Variants in SH3KBP1 observed in about 807,000 individuals in gnomAD.
The protein encoded by SH3KBP1 is SH3 domain containing kinase binding protein 1, also known as SH3 domain-containing kinase-binding protein 1.
SH3KBP1 carries 8 observed loss-of-function variants against 50.1 expected under a neutral mutation model. The observed-to-expected ratio is 0.16, with a 90% CI of 0.09 to 0.29. The LOEUF (loss-of-function observed/expected upper bound fraction) is 0.29. Among genes scored for constraint, SH3KBP1 ranks in the 10% least tolerant of loss-of-function variants. The pLI, the probability that SH3KBP1 is intolerant of heterozygous loss-of-function variation, is 1.00. For missense variants in SH3KBP1, 377 were observed against 535.2 expected, an observed-to-expected ratio of 0.70 and a Z score of 2.92; for synonymous variants, 227 against 218.6, an observed-to-expected ratio of 1.04 and a Z score of -0.34.
At chrX:19,670,789 T>A in intron 6 of SH3KBP1, 4 of 1,018,930 alleles carry the variant, frequency 3.9e-6, no homozygotes, top group Admixed American at 6.8e-5. Context: ...CTACAAAATG[T>A]TATATACAGA....
intron 12 of SH3KBP1, among the ~76,000 whole-genome samples, chrX:19,579,073 A>C (rs2147903685): frequency 8.9e-6 from 1 of 112,008 alleles, no homozygotes; most frequent in Admixed American, 9.5e-5. Flanking sequence ...CAGAAACCAG[A>C]GTGGTTTTCC....
At chrX:19,786,364 G>A (rs1020361376) in intron 2 of SH3KBP1, among the ~76,000 whole-genome samples, 5 of 111,766 alleles carry the variant, frequency 4.5e-5, no homozygotes, top group African/African-American at 9.8e-5. Flanking sequence ...GAAGCTAGAC[G>A]ATGGGTAAAA....
At chrX:19,819,620 G>T (rs1182571345) in intron 2 of SH3KBP1, among the ~76,000 whole-genome samples, 1 of 111,605 alleles carries the variant, frequency 9.0e-6, no homozygotes, top group East Asian at 2.8e-4. Flanking sequence ...AAAATGCTGG[G>T]ATTTCAAACA....
At chrX:19,571,197 T>C (rs1019939274) in intron 12 of SH3KBP1, among the ~76,000 whole-genome samples, 11 of 112,043 alleles carry the variant, frequency 9.8e-5, no homozygotes, top group Non-Finnish European at 1.5e-4. Context: ...TGGGAGTGTG[T>C]GCTATGATGC....
intron 2 of SH3KBP1, among the ~76,000 whole-genome samples, chrX:19,758,415 G>C (rs1294363149): frequency 9.6e-6 from 1 of 104,032 alleles, no homozygotes; most frequent in East Asian, 3.1e-4. Context: ...TGCATATAAA[G>C]AGGCAACATT....
chrX:19,740,108 T>C, intron 3 of SH3KBP1, among the ~76,000 whole-genome samples: 1 of 111,563 alleles, frequency 9.0e-6, no homozygotes, highest in East Asian at 2.8e-4. Flanking sequence ...ATGTAGTTCT[T>C]ACCATGCATT....
rs924460245 is a variant in SH3KBP1 at position 19,550,190 on chromosome X, A to G, written c.1385-107T>C. 1.3e-5 allele frequency: 7 copies of G among 530,675 alleles called. No homozygotes were observed. In the South Asian group the frequency reaches 2.0e-4, roughly 15 times the overall value. The allele number at this position is 530,675 out of a possible 1,213,427, so 43.7% of individuals were successfully genotyped here. On this transcript the variant is annotated intron_variant, in intron 13 of 17. Coordinates refer to ENST00000397821, the MANE Select transcript of SH3KBP1 (RefSeq NM_031892.3). Reference sequence around the variant, plus strand: ...AATAATAATCCTTTCTGTCTGGATTACACTTCATCTTTTACAAAGGCTGTT... The same window carrying G: ...AATAATAATCCTTTCTGTCTGGATTGCACTTCATCTTTTACAAAGGCTGTT...
chrX:19,586,599 A>C (rs780034022), intron 12 of SH3KBP1, among the ~76,000 whole-genome samples: 1 of 112,070 alleles, frequency 8.9e-6, no homozygotes, highest in Non-Finnish European at 1.9e-5. Flanking sequence ...AGAACCTTCT[A>C]TTGCCAGTTC....
At chrX:19,691,698 G>A (rs59008463) in intron 5 of SH3KBP1, among the ~76,000 whole-genome samples, 2,171 of 110,726 alleles carry the variant, frequency 0.02, 48 homozygotes, top group African/African-American at 0.06. Context: ...ACTTTATTTG[G>A]ATACAGACTC....
intron 2 of SH3KBP1, among the ~76,000 whole-genome samples, chrX:19,805,406 T>G (rs761991676): frequency 9.0e-6 from 1 of 110,564 alleles, no homozygotes; most frequent in South Asian, 3.9e-4. Flanking sequence ...TTGCATCCAT[T>G]CTTAAAAATC....
At chrX:19,760,023 C>CTGTCTCTCT (rs1556345973) in intron 2 of SH3KBP1, among the ~76,000 whole-genome samples, 1 of 83,580 alleles carries the variant, frequency 1.2e-5, no homozygotes, top group African/African-American at 5.9e-5. Flanking sequence ...CTCTCTCTCT[C>CTGTCTCTCT]CTCTCTCTCT....
At position 19,631,992 on chromosome X, in the gene SH3KBP1, T is replaced by C. The variant is rs2061589161; in HGVS notation, c.803-34A>G. On this transcript the variant is annotated intron_variant, in intron 7 of 17. Coordinates refer to ENST00000397821, the MANE Select transcript of SH3KBP1 (RefSeq NM_031892.3). ...AAAACAGAAAACATAACCTTTAAAA[T>C]GCTTTATCTAATGAGCTGGCCCAGG... The C allele has an allele frequency of 4.2e-6, 4 of 944,381 alleles. No homozygotes were observed. In the African/African-American group the frequency reaches 7.6e-5, roughly 18 times the overall value. 77.8% of individuals were successfully genotyped at this position (944,381 alleles called of 1,213,427 possible). A position where few individuals can be genotyped will look rare whatever the true frequency, so the allele number is the denominator to read the frequency against.
intron 2 of SH3KBP1, among the ~76,000 whole-genome samples, chrX:19,824,599 G>A (rs747307735): frequency 1.3e-4 from 15 of 112,165 alleles, no homozygotes; most frequent in African/African-American, 4.5e-4. Context: ...TGATCACGGT[G>A]ATATCTCAGA....
At chrX:19,644,382 G>T (rs768761288) in intron 7 of SH3KBP1, among the ~76,000 whole-genome samples, 52 of 112,091 alleles carry the variant, frequency 4.6e-4, no homozygotes, top group South Asian at 1.1e-3. Flanking sequence ...GTAACTCAAT[G>T]GATAAATGCT....
At chrX:19,837,462 CTTTTTTT>C (rs777871798) in intron 1 of SH3KBP1, among the ~76,000 whole-genome samples, 4 of 72,754 alleles carry the variant, frequency 5.5e-5, no homozygotes, top group South Asian at 6.0e-4. Context: ...TTTCATAACA[CTTTTTTT>C]TTTTTTTTTT....
At chrX:19,738,640 G>A (rs1050543734) in intron 3 of SH3KBP1, among the ~76,000 whole-genome samples, 1 of 96,146 alleles carries the variant, frequency 1.0e-5, no homozygotes, top group Middle Eastern at 5.3e-3. Context: ...AGTGGGCACC[G>A]ATTATACGGA....
chrX:19,695,582 T>C (rs772085949), intron 5 of SH3KBP1, 30 bp downstream of exon 5: 3 of 1,205,408 alleles, frequency 2.5e-6, no homozygotes, highest in Non-Finnish European at 3.4e-6. Flanking sequence ...CCCCCGCCCC[T>C]CTCCTGCTTG....
At chrX:19,692,816 G>A (rs2063330579) in intron 5 of SH3KBP1, among the ~76,000 whole-genome samples, 1 of 107,411 alleles carries the variant, frequency 9.3e-6, no homozygotes, top group Admixed American at 1.0e-4. Flanking sequence ...CTGTGTAGCT[G>A]GGATTACAGG....
At chrX:19,711,608 C>CT (rs2063778289) in intron 3 of SH3KBP1, among the ~76,000 whole-genome samples, 1 of 101,364 alleles carries the variant, frequency 9.9e-6, no homozygotes. Flanking sequence ...CCCACCACCT[C>CT]TTTTTTTCAC....
Sources: allele counts gnomAD v4.1 joint callset (sites outside exome capture counted in the v4.1 genomes callset), GRCh38; gene constraint gnomAD v4.1.1; transcripts MANE v1.5; gene names NCBI Gene and HGNC (gene_info 2026-07-23, HGNC 2026-07-21).